The following DCDC1 variants were observed in gnomAD, a reference collection of about 807,000 sequenced individuals.
DCDC1 encodes doublecortin domain-containing protein 1.
DCDC1 carries 200 observed loss-of-function variants against 178.3 expected under a neutral mutation model. The observed-to-expected ratio is 1.12, with a 90% CI of 1.00 to 1.26. The LOEUF is 1.26. Among genes scored for constraint, DCDC1 ranks in the 50% most tolerant of loss-of-function variants. The pLI is 0.00. For missense variants in DCDC1, 1,983 were observed against 1,749.2 expected, an observed-to-expected ratio of 1.13 and a Z score of -2.38; for synonymous variants, 690 against 604.8, an observed-to-expected ratio of 1.14 and a Z score of -2.07.
chr11:31,148,417 A>T (rs1964716310), intron 9 of DCDC1, among the ~76,000 whole-genome samples: 1 of 151,692 alleles, frequency 6.6e-6, no homozygotes, highest in Admixed American at 6.6e-5. Flanking sequence ...GCATGGGATA[A>T]TCGCTTGAGC....
chr11:31,139,712 T>G (rs1963587567), intron 9 of DCDC1, among the ~76,000 whole-genome samples: 1 of 152,168 alleles, frequency 6.6e-6, no homozygotes, highest in Non-Finnish European at 1.5e-5. Flanking sequence ...CAGGGAACTT[T>G]TTATTCAAAA....
At chr11:31,110,452 T>C in intron 11 of DCDC1, 91 bp from the exon 12 acceptor site, 1 of 587,902 alleles carries the variant, frequency 1.7e-6, no homozygotes, top group Admixed American at 2.6e-5. Flanking sequence ...TAGGCAGTCA[T>C]CCTTTTTCAT....
chr11:31,011,378 C>A (rs967072988), intron 20 of DCDC1, among the ~76,000 whole-genome samples: 1 of 152,082 alleles, frequency 6.6e-6, no homozygotes, highest in African/African-American at 2.4e-5. Flanking sequence ...ATTTGCAAAA[C>A]ATTCTAGGTT....
At chr11:30,960,726 G>T (rs914286072) in intron 20 of DCDC1, among the ~76,000 whole-genome samples, 8 of 152,060 alleles carry the variant, frequency 5.3e-5, no homozygotes, top group Non-Finnish European at 1.2e-4. Flanking sequence ...TGATAGAAAC[G>T]TTATATAAAA....
intron 20 of DCDC1, among the ~76,000 whole-genome samples, chr11:31,049,902 C>T (rs985602805): frequency 2.0e-5 from 3 of 152,172 alleles, no homozygotes; most frequent in Non-Finnish European, 4.4e-5. Context: ...CACAGGGATC[C>T]ATTGCGAGGG....
intron 3 of DCDC1, among the ~76,000 whole-genome samples, chr11:31,321,806 CT>C (rs1357492869): frequency 1.8e-4 from 27 of 152,258 alleles, no homozygotes; most frequent in African/African-American, 5.3e-4. Flanking sequence ...TCTAGAAACT[CT>C]TTCATAATAA....
chr11:31,351,170 A>G (rs1454580975), intron 1 of DCDC1, among the ~76,000 whole-genome samples: 1 of 152,096 alleles, frequency 6.6e-6, no homozygotes, highest in Non-Finnish European at 1.5e-5. Flanking sequence ...AAAACACTAC[A>G]GGAAAAGGTA....
Position 31,114,957 on chromosome 11 carries a change from T to C in DCDC1, c.1486-4596A>G, listed in dbSNP as rs184860194. ...TTCTGTTGTTCTGTCAGAGTTATGC[T>C]ATTTGCTTCTTTGTTTATTAGCAGG... On this transcript the variant is annotated intron_variant, in intron 11 of 38. Coordinates refer to ENST00000684477, the MANE Select transcript of DCDC1 (RefSeq NM_001387274.1). Among the ~76,000 whole-genome samples, 399 of 152,300 alleles carry C rather than the reference T, an allele frequency of 2.6e-3. 2 individuals carry two copies. Among genetic ancestry groups the C allele is most frequent in the African/African-American group, 8.6e-3 (357 of 41,580 alleles).
chr11:30,997,586 A>G (rs1476613033), intron 20 of DCDC1, among the ~76,000 whole-genome samples: 1 of 152,168 alleles, frequency 6.6e-6, no homozygotes, highest in Non-Finnish European at 1.5e-5. Context: ...TGTTTCTCCT[A>G]GTAGTACAGT....
At chr11:31,239,542 C>T (rs1023013991) in intron 9 of DCDC1, among the ~76,000 whole-genome samples, 9 of 151,892 alleles carry the variant, frequency 5.9e-5, no homozygotes, top group African/African-American at 2.2e-4. Flanking sequence ...CAAACTTCTG[C>T]TTATTTTTCT....
At chr11:30,878,769 TA>T in intron 37 of DCDC1, 58 bp from the exon 38 acceptor site, 1 of 1,485,440 alleles carries the variant, frequency 6.7e-7, no homozygotes, top group South Asian at 1.3e-5. Context: ...AGAAAATAAT[TA>T]AAAGTCCAGG....
At chr11:30,949,936 C>T (rs1948311691) in intron 21 of DCDC1, among the ~76,000 whole-genome samples, 1 of 151,974 alleles carries the variant, frequency 6.6e-6, no homozygotes, top group Non-Finnish European at 1.5e-5. Flanking sequence ...CAAACCACCA[C>T]GGCAAGTGTA....
intron 9 of DCDC1, among the ~76,000 whole-genome samples, chr11:31,200,952 A>C (rs366758): frequency 0.3 from 45,619 of 151,522 alleles, 8,324 homozygotes; most frequent in East Asian, 0.63. Flanking sequence ...AGGAGAAAAA[A>C]AAAAACAAAA....
intron 38 of DCDC1, among the ~76,000 whole-genome samples, chr11:30,876,393 AAG>A (rs1942121586): frequency 6.6e-6 from 1 of 152,180 alleles, no homozygotes. Context: ...GAGGAAGGTC[AAG>A]AGTAAGGAAA....
intron 37 of DCDC1, 102 bp downstream of exon 37, chr11:30,881,056 T>C (rs988991544): frequency 3.0e-6 from 4 of 1,320,736 alleles, no homozygotes; most frequent in Non-Finnish European, 4.1e-6. Context: ...TGGGAGGGGA[T>C]AATTATTAAA....
At chr11:31,009,167 A>G (rs1017861712) in intron 20 of DCDC1, among the ~76,000 whole-genome samples, 2 of 152,234 alleles carry the variant, frequency 1.3e-5, no homozygotes, top group African/African-American at 4.8e-5. Flanking sequence ...ATGGAAACAA[A>G]TTACAAATCC....
At chr11:30,948,042 T>C (rs1296774525) in intron 21 of DCDC1, among the ~76,000 whole-genome samples, 1 of 152,122 alleles carries the variant, frequency 6.6e-6, no homozygotes, top group Non-Finnish European at 1.5e-5. Flanking sequence ...AGTATTTGAA[T>C]AGGAAGAGAG....
At chr11:30,898,876 T>C (rs753899311) in intron 34 of DCDC1, among the ~76,000 whole-genome samples, 6 of 152,184 alleles carry the variant, frequency 3.9e-5, no homozygotes, top group Non-Finnish European at 5.9e-5. Context: ...AATGTGTTCC[T>C]TCCTAGACTC....
chr11:31,154,425 T>C (rs1965514819), intron 9 of DCDC1, among the ~76,000 whole-genome samples: 1 of 152,206 alleles, frequency 6.6e-6, no homozygotes, highest in African/African-American at 2.4e-5. Context: ...TGATACCCTC[T>C]ACTGTGCTCC....
Sources: gnomAD v4.1 joint callset for allele counts (sites outside exome capture counted in the v4.1 genomes callset) on GRCh38, gnomAD v4.1.1 for gene constraint, MANE v1.5 for transcripts, NCBI Gene and HGNC (gene_info 2026-07-23, HGNC 2026-07-21) for gene names.